CFAP46: variants seen among roughly 807,000 people sequenced by gnomAD.
CFAP46 encodes the protein cilia and flagella associated protein 46, also known as cilia- and flagella-associated protein 46.
Under a neutral mutation model 325.7 loss-of-function variants are expected in CFAP46, and 245 were observed. The observed-to-expected ratio is 0.75, with a 90% confidence interval of 0.68 to 0.84. The LOEUF is 0.84. Ranked by LOEUF, CFAP46 falls within the 40% of genes least tolerant of loss-of-function variation. The pLI is 0.00. For missense variants in CFAP46, 3,346 were observed against 3,543.0 expected (o/e 0.94, Z 1.41); for synonymous variants, 1,523 against 1,495.9 (o/e 1.02, Z -0.42).
At chr10:132,863,500 G>A (rs1223815942) in intron 35 of CFAP46, among the ~76,000 whole-genome samples, 1 of 152,098 alleles carries the variant, frequency 6.6e-6, no homozygotes, top group Non-Finnish European at 1.5e-5. Context: ...TCTGCTATCA[G>A]AGACCTGCAC....
rs564728194 is a variant in CFAP46 at position 132,916,637 on chromosome 10, G to A, written c.2032C>T (p.Arg678Trp). The A allele has an allele frequency of 5.3e-5, 81 of 1,536,930 alleles. No homozygotes were observed. The highest frequency in any genetic ancestry group is 5.2e-4 in the East Asian group (21 of 40,108). Residue 678 changes from arginine (R) to tryptophan (W), a missense_variant, in exon 17 of 58, where the codon CGG (arginine) becomes TGG (tryptophan). By Grantham distance (101) the Arg-to-Trp change is moderately radical. Coordinates refer to ENST00000368586, the MANE Select transcript of CFAP46 (RefSeq NM_001200049.3). ...LRSEGVELND[R>W]AIPPEDLSQH... ...CTCAGGTCTTCGGGGGGGATGGCCC[G>A]GTCATTCAGCTCTACACCTTCTGAC... is the stretch of plus-strand genomic sequence containing the variant.
In CFAP46 at chr10:132,859,186, A is replaced by G. The variant is rs574805641; in HGVS notation, c.5260T>C (p.Ser1754Pro). The G allele has an allele frequency of 4.7e-4, 730 of 1,550,600 alleles. 2 individuals carry two copies. Among genetic ancestry groups the G allele is most frequent in the South Asian group, 2.1e-3 (178 of 84,062 alleles). The change falls in exon 38 of 58, where the codon TCG becomes CCG. Residue 1754 changes from serine (S) to proline (P), a missense_variant. By Grantham distance (74) the Ser-to-Pro change is moderately conservative (BLOSUM62 -1). Transcript: ENST00000368586. ...HSAVTEPTEC[S>P]LLLKEMDDGL... ...TCATCCATCTCTTTCAGTAGCAACGAGCACTCTGTGGGTTCAGTGACCGCT... is the reference window on the plus strand; with the variant it reads ...TCATCCATCTCTTTCAGTAGCAACGGGCACTCTGTGGGTTCAGTGACCGCT...
intron 54 of CFAP46, among the ~76,000 whole-genome samples, chr10:132,813,947 G>A (rs1465905256): frequency 6.6e-6 from 1 of 152,312 alleles, no homozygotes; most frequent in East Asian, 1.9e-4. Context: ...GGGGCCCCAG[G>A]TCGCCATCTG....
rs74520264 is a variant in CFAP46, at chr10:132,834,681, A to G, written c.6839T>C (p.Phe2280Ser). The change falls in exon 48 of 58, where the codon TTC becomes TCC. Residue 2280 changes from phenylalanine (F) to serine (S), a missense_variant. Transcript: ENST00000368586. ...GGCCTTGGAGAGGCTGAGCAGGGGG[A>G]ATAGCGGCTGCAGAAGCTCCTCCAG... ...GPLEELLQPLFPLLSLSKARV... is the reference protein window; with the variant it reads ...GPLEELLQPLSPLLSLSKARV... 6.2e-7 allele frequency: 1 copy of G among 1,613,140 alleles called. No homozygotes were observed.
In CFAP46 at chr10:132,884,243, G is replaced by A. The variant is rs1438479033; in HGVS notation, c.3627+860C>T. Among the ~76,000 whole-genome samples, 2 of 152,162 alleles carry A rather than the reference G, an allele frequency of 1.3e-5. No individual in the cohort carries two copies. The highest frequency in any genetic ancestry group is 1.3e-4 in the Admixed American group (2 of 15,286). On this transcript the variant is annotated intron_variant, in intron 27 of 57. Transcript: ENST00000368586. This position sits in a 1 kb window ranked among gnomAD's most constrained non-coding sequence, Gnocchi z 5.4. ...GGCCTCTGGTTCCCCGGAGCGAGGAGCAGTGGCTCCCTGTGGCTCCCCACG... is the reference window on the plus strand; with the variant it reads ...GGCCTCTGGTTCCCCGGAGCGAGGAACAGTGGCTCCCTGTGGCTCCCCACG...
chr10:132,937,095 C>T, intron 6 of CFAP46, 40 bp from the exon 7 acceptor site: 1 of 1,258,348 alleles, frequency 7.9e-7, no homozygotes, highest in Non-Finnish European at 1.1e-6. Context: ...TGGATTCAAA[C>T]AATTCGGTAG....
chr10:132,824,787 CTGA>C (rs1180632676), intron 50 of CFAP46, among the ~76,000 whole-genome samples: 1 of 115,022 alleles, frequency 8.7e-6, no homozygotes, highest in African/African-American at 3.6e-5. Context: ...TGTGTGAGTG[CTGA>C]TGTGTGCTGT....
intron 21 of CFAP46, 27 bp from the exon 22 acceptor site, chr10:132,908,661 C>A (rs2135525016): frequency 1.3e-6 from 2 of 1,511,774 alleles, no homozygotes; most frequent in African/African-American, 1.4e-5. Flanking sequence ...AGAGAAGGGG[C>A]ACCGTGTTAG....
intron 31 of CFAP46, among the ~76,000 whole-genome samples, chr10:132,873,396 G>A (rs1236044674): frequency 6.6e-6 from 1 of 152,074 alleles, no homozygotes; most frequent in Non-Finnish European, 1.5e-5. Flanking sequence ...CACAAGCCTG[G>A]CTATCAGGCA....
chr10:132,881,310 G>A (rs1274784111), intron 27 of CFAP46, among the ~76,000 whole-genome samples: 1 of 152,120 alleles, frequency 6.6e-6, no homozygotes, highest in Non-Finnish European at 1.5e-5. Flanking sequence ...CACCCTCCTG[G>A]GGACTCCCGG....
At chr10:132,917,589 G>A (rs1312944423) in intron 16 of CFAP46, among the ~76,000 whole-genome samples, 4 of 152,320 alleles carry the variant, frequency 2.6e-5, no homozygotes, top group East Asian at 1.9e-4. Flanking sequence ...GGCGGTTGCC[G>A]TGTGTCATCC....
chr10:132,940,839 C>A (rs528128667), intron 4 of CFAP46, among the ~76,000 whole-genome samples, 157 bp downstream of exon 4: 3 of 152,206 alleles, frequency 2.0e-5, no homozygotes, highest in Admixed American at 6.5e-5. Flanking sequence ...CCTGTCCACA[C>A]GCTGACGAGA....
At chr10:132,860,365 G>A in intron 37 of CFAP46, 52 bp downstream of exon 37, 2 of 1,423,128 alleles carry the variant, frequency 1.4e-6, no homozygotes, top group Non-Finnish European at 1.9e-6. Flanking sequence ...AGATGGAAAA[G>A]AGGAAACCAC....
chr10:132,825,952 C>T (rs950511177), intron 50 of CFAP46, among the ~76,000 whole-genome samples: 1 of 127,196 alleles, frequency 7.9e-6, no homozygotes, highest in African/African-American at 2.6e-5. Context: ...GGAACACGGC[C>T]GGCCACAGAG....
Position 132,938,754 on chromosome 10 carries a change from C to T in CFAP46, c.372-1G>A, listed in dbSNP as rs145400214. On this transcript the variant is annotated splice_acceptor_variant, in intron 4 of 57. Transcript: ENST00000368586. LOFTEE classifies it high-confidence loss of function. ...TGCATTGTACACCAAAAAGTAGTAC[C>T]TGCGGCGCGAGCAGAGGAAGCAGAG... 2.5e-6 allele frequency: 4 copies of T among 1,610,750 alleles called. No individual in the cohort carries two copies. Among genetic ancestry groups the T allele is most frequent in the Non-Finnish European group, 3.4e-6 (4 of 1,178,598 alleles).
Position 132,836,098 on chromosome 10 carries a change from C to T in CFAP46, c.6613+44G>A, listed in dbSNP as rs375351482. On this transcript the variant is annotated intron_variant, in intron 46 of 57. Transcript: ENST00000368586. Reference sequence around the variant, plus strand: ...CACCTCCCCACTCTCGCCCATGCTCCGCCTGCCCTGCTCCCCCTCCCCCTC... The same window carrying T: ...CACCTCCCCACTCTCGCCCATGCTCTGCCTGCCCTGCTCCCCCTCCCCCTC... 1.1e-5 allele frequency: 17 copies of T among 1,536,442 alleles called. No homozygotes were observed. The African/African-American group carries it at 1.5e-4, about 14-fold the overall frequency.
At chr10:132,830,388 T>C (rs1848129767) in intron 50 of CFAP46, among the ~76,000 whole-genome samples, 1 of 152,190 alleles carries the variant, frequency 6.6e-6, no homozygotes, top group Non-Finnish European at 1.5e-5. Flanking sequence ...GTGATCTACC[T>C]GACTTGGCCT....
Position 132,889,377 on chromosome 10 carries a change from C to T in CFAP46, c.3304+2956G>A, listed in dbSNP as rs936297642. On this transcript the variant is annotated intron_variant, in intron 25 of 57. Transcript: ENST00000368586. This position sits in a 1 kb window ranked among gnomAD's most constrained non-coding sequence, Gnocchi z 6.0. ...GGCACCCATGGCTAGGAGGGCGGCA[C>T]CCCATTGGATGCTGGGATCTGTGGG... is the stretch of plus-strand genomic sequence containing the variant. 1.3e-5 allele frequency among the ~76,000 whole-genome samples: 2 copies of T among 152,198 alleles called. No individual in the cohort carries two copies. The highest frequency in any genetic ancestry group is 6.5e-5 in the Admixed American group (1 of 15,286).
chr10:132,886,116 G>A lies in CFAP46; in HGVS notation c.3305-157C>T, dbSNP rs1849127601. 6.6e-6 allele frequency among the ~76,000 whole-genome samples: 1 copy of A among 152,154 alleles called. No homozygotes were observed. The highest frequency in any genetic ancestry group is 1.5e-5 in the Non-Finnish European group (1 of 68,022). On this transcript the variant is annotated intron_variant, in intron 25 of 57. Coordinates refer to ENST00000368586, the MANE Select transcript of CFAP46 (RefSeq NM_001200049.3). The surrounding 1 kb of genome is among the most constrained non-coding windows in gnomAD (Gnocchi z 5.8). ...AGCGCATGCCCCGCAGGGCTGAAGT[G>A]AGCTGTGGACCTGCATGGCCCCTCC... is the stretch of plus-strand genomic sequence containing the variant.
Sources: allele counts gnomAD v4.1 joint callset (sites outside exome capture counted in the v4.1 genomes callset), GRCh38; gene constraint gnomAD v4.1.1; non-coding constraint Gnocchi (gnomAD v3.1); transcripts MANE v1.5; gene names NCBI Gene and HGNC (gene_info 2026-07-23, HGNC 2026-07-21).